FGF12: variants seen among roughly 807,000 people sequenced by gnomAD.
The protein encoded by FGF12 is fibroblast growth factor 12B.
Under a neutral mutation model 23.6 loss-of-function variants are expected in FGF12, and 14 were observed. That is an observed-to-expected ratio of 0.59 (90% CI 0.39 to 0.93). The LOEUF (loss-of-function observed/expected upper bound fraction) is 0.93, where lower values mean the gene tolerates loss of function less well. Ranked by LOEUF, FGF12 falls within the 40% of genes least tolerant of loss-of-function variation. FGF12 has a pLI of 0.00. For synonymous variants in FGF12, 62 were observed against 77.3 expected, an observed-to-expected ratio of 0.80 and a Z score of 1.04; for missense variants, 175 against 217.8, an observed-to-expected ratio of 0.80 and a Z score of 1.24.
At position 192,193,227 on chromosome 3, in the gene FGF12, T is replaced by A. The variant is rs79964546; in HGVS notation, c.229-22571A>T. On this transcript the variant is annotated intron_variant, in intron 4 of 5. Coordinates refer to ENST00000445105, the MANE Select transcript of FGF12 (RefSeq NM_004113.6). ...TCTCGCTTGCCTTGCTCTAGATCTG[T>A]TCTGGATTGTCAATGTTCCTATTAA... Among the ~76,000 whole-genome samples the A allele has an allele frequency of 3.3e-3, 510 of 152,330 alleles. 8 individuals are homozygous for A. Among genetic ancestry groups the A allele is most frequent in the East Asian group, 0.032 (164 of 5,188 alleles).
At chr3:192,247,184 T>C (rs1241443153) in intron 4 of FGF12, among the ~76,000 whole-genome samples, 1 of 152,114 alleles carries the variant, frequency 6.6e-6, no homozygotes, top group Non-Finnish European at 1.5e-5. Context: ...TAAGACTTGC[T>C]GATGGGAAAC....
intron 2 of FGF12, among the ~76,000 whole-genome samples, chr3:192,379,271 T>C (rs1719710613): frequency 1.3e-5 from 2 of 152,264 alleles, no homozygotes; most frequent in Non-Finnish European, 2.9e-5. Context: ...AATACATGTG[T>C]ATATGACTAT....
intron 3 of FGF12, among the ~76,000 whole-genome samples, chr3:192,348,114 G>A (rs923818): frequency 0.65 from 99,254 of 152,064 alleles, 35,157 homozygotes; most frequent in East Asian, 0.94. Context: ...TTTTCTGCTC[G>A]TACCTAAGTA....
intron 2 of FGF12, among the ~76,000 whole-genome samples, chr3:192,576,556 C>T (rs781417): frequency 0.21 from 32,234 of 152,060 alleles, 3,606 homozygotes; most frequent in Non-Finnish European, 0.26. Context: ...CAATGTCTTA[C>T]CTGCATGCTA....
intron 2 of FGF12, among the ~76,000 whole-genome samples, chr3:192,483,309 C>T (rs1336752827): frequency 6.6e-6 from 1 of 152,100 alleles, no homozygotes; most frequent in African/African-American, 2.4e-5. Context: ...GATTCATATA[C>T]CACCACTAGC....
chr3:192,175,200 G>A (rs1166798274), intron 4 of FGF12, among the ~76,000 whole-genome samples: 1 of 152,172 alleles, frequency 6.6e-6, no homozygotes, highest in East Asian at 1.9e-4. Flanking sequence ...GGCAGGCTTG[G>A]GGTCAAAGGT....
At chr3:192,498,618 T>A (rs1370927512) in intron 2 of FGF12, among the ~76,000 whole-genome samples, 1 of 151,588 alleles carries the variant, frequency 6.6e-6, no homozygotes, top group African/African-American at 2.4e-5. Flanking sequence ...TACTCTTTGA[T>A]TACAGATAAA....
At chr3:192,270,198 T>C (rs1398342892) in intron 4 of FGF12, among the ~76,000 whole-genome samples, 1 of 152,152 alleles carries the variant, frequency 6.6e-6, no homozygotes, top group Non-Finnish European at 1.5e-5. Context: ...AAATAAAGCT[T>C]TTCCTGATGG....
intron 4 of FGF12, among the ~76,000 whole-genome samples, chr3:192,301,071 C>T (rs2108659611): frequency 6.6e-6 from 1 of 151,400 alleles, no homozygotes; most frequent in East Asian, 1.9e-4. Flanking sequence ...ATGCATGGGA[C>T]AAAGAAGAGT....
rs535363846 is a variant in FGF12, at chr3:192,328,424, T to G, written c.228+6937A>C. On this transcript the variant is annotated intron_variant, in intron 4 of 5. Coordinates refer to ENST00000445105, the MANE Select transcript of FGF12 (RefSeq NM_004113.6). ...ATAGAGGCTCAGGTGAGCTTCCTGC[T>G]TGGCGACACTTCATGTGTATTATCA... is the stretch of plus-strand genomic sequence containing the variant. 1.2e-4 allele frequency among the ~76,000 whole-genome samples: 18 copies of G among 152,314 alleles called. No individual in the cohort carries two copies. The South Asian group carries it at 3.7e-3, about 32-fold the overall frequency.
In FGF12 at chr3:192,346,194, G is replaced by C. The variant is rs575208434; in HGVS notation, c.125-10730C>G. On this transcript the variant is annotated intron_variant, in intron 3 of 5. Transcript: ENST00000445105. ...TACTCATTGCTCAATAACTTTCATT[G>C]GTTCCCCATTTCCTACAACATAAAG... Among the ~76,000 whole-genome samples, 50 of 152,024 alleles carry C rather than the reference G, an allele frequency of 3.3e-4. No homozygotes were observed. The South Asian group carries it at 0.01, about 31-fold the overall frequency.
At chr3:192,492,109 G>C (rs768211699) in intron 2 of FGF12, among the ~76,000 whole-genome samples, 4 of 152,056 alleles carry the variant, frequency 2.6e-5, no homozygotes, top group Non-Finnish European at 5.9e-5. Flanking sequence ...TGGTGGCATC[G>C]CAGGAAGAAA....
At chr3:192,412,773 G>A (rs1401499593) in intron 2 of FGF12, among the ~76,000 whole-genome samples, 1 of 152,180 alleles carries the variant, frequency 6.6e-6, no homozygotes, top group Admixed American at 6.5e-5. Context: ...AATCTCATAA[G>A]TCTTTCTCCA....
intron 4 of FGF12, among the ~76,000 whole-genome samples, chr3:192,182,132 G>A (rs897356250): frequency 1.3e-5 from 2 of 152,026 alleles, no homozygotes; most frequent in African/African-American, 4.8e-5. Flanking sequence ...AAACAACTCG[G>A]TATTTGTGTG....
Position 192,160,079 on chromosome 3 carries a change from A to T in FGF12, c.427+10379T>A, listed in dbSNP as rs75490811. Among the ~76,000 whole-genome samples the T allele has an allele frequency of 3.1e-3, 472 of 152,050 alleles. 4 individuals are homozygous for T. Among genetic ancestry groups the T allele is most frequent in the African/African-American group, 0.011 (454 of 41,480 alleles). On this transcript the variant is annotated intron_variant, in intron 5 of 5. Coordinates refer to ENST00000445105, the MANE Select transcript of FGF12 (RefSeq NM_004113.6). ...GTCTTTATCTAACAACCTACATCCA[A>T]TCCATTAGCATGCTCTATCAGGTCT...
intron 2 of FGF12, among the ~76,000 whole-genome samples, chr3:192,481,193 T>G (rs1027304655): frequency 6.6e-6 from 1 of 152,204 alleles, no homozygotes; most frequent in Admixed American, 6.5e-5. Context: ...TGCTGAGGAA[T>G]GACTTTTATC....
At chr3:192,144,266 G>A in intron 5 of FGF12, 139 bp from the exon 6 acceptor site, 1 of 572,256 alleles carries the variant, frequency 1.7e-6, no homozygotes, top group Non-Finnish European at 3.1e-6. Flanking sequence ...GTTTTAACTT[G>A]ATAATCAGTG....
At chr3:192,341,363 G>A (rs574301945) in intron 3 of FGF12, among the ~76,000 whole-genome samples, 9 of 152,050 alleles carry the variant, frequency 5.9e-5, no homozygotes, top group African/African-American at 2.2e-4. Flanking sequence ...TAATAAAATT[G>A]TTGTCATATG....
At chr3:192,688,328 C>T (rs1267389894) in intron 2 of FGF12, among the ~76,000 whole-genome samples, 3 of 152,120 alleles carry the variant, frequency 2.0e-5, no homozygotes, top group South Asian at 2.1e-4. Context: ...TGCCATGGCA[C>T]GCCCCAGCAT....
Sources: gnomAD v4.1 joint callset for allele counts (sites outside exome capture counted in the v4.1 genomes callset) on GRCh38, gnomAD v4.1.1 for gene constraint, MANE v1.5 for transcripts, NCBI Gene and HGNC (gene_info 2026-07-23, HGNC 2026-07-21) for gene names.